KCNH1: variants seen among roughly 807,000 people sequenced by gnomAD.
The protein encoded by KCNH1 is potassium voltage-gated channel subfamily H member 1, also known as voltage-gated delayed rectifier potassium channel KCNH1.
KCNH1 carries 27 observed loss-of-function variants against 69.2 expected under a neutral mutation model. The ratio of observed to expected loss-of-function variants is 0.39; its 90% CI spans 0.29 to 0.54. The LOEUF is 0.54. KCNH1 is among the 20% of genes least tolerant of loss of function. The pLI is 0.68. For missense variants in KCNH1, 798 were observed against 1,261.6 expected, an observed-to-expected ratio of 0.63 and a Z score of 5.57; for synonymous variants, 456 against 487.7, an observed-to-expected ratio of 0.93 and a Z score of 0.86.
intron 5 of KCNH1, among the ~76,000 whole-genome samples, chr1:211,044,828 A>G (rs562091491): frequency 2.6e-5 from 4 of 152,102 alleles, no homozygotes; most frequent in African/African-American, 4.8e-5. Flanking sequence ...CACAACCACC[A>G]TGGAAAACAG....
chr1:210,870,798 T>A (rs1210073578), intron 7 of KCNH1, among the ~76,000 whole-genome samples: 3 of 152,158 alleles, frequency 2.0e-5, no homozygotes, highest in Non-Finnish European at 4.4e-5. Context: ...GCAGTTGCCT[T>A]TTTCTCTATT....
At chr1:210,784,434 T>C (rs1684053057) in intron 9 of KCNH1, among the ~76,000 whole-genome samples, 2 of 152,216 alleles carry the variant, frequency 1.3e-5, no homozygotes, top group South Asian at 2.1e-4. Context: ...TGTTTTCGCA[T>C]GTAAGTAGTG....
At chr1:210,714,496 T>C (rs1335571315) in intron 10 of KCNH1, among the ~76,000 whole-genome samples, 2 of 152,178 alleles carry the variant, frequency 1.3e-5, no homozygotes, top group African/African-American at 4.8e-5. Context: ...TGTCAATGGA[T>C]GGGTTGTGGA....
intron 7 of KCNH1, among the ~76,000 whole-genome samples, chr1:210,898,086 C>T (rs1416574116): frequency 6.6e-6 from 1 of 152,172 alleles, no homozygotes; most frequent in Non-Finnish European, 1.5e-5. Flanking sequence ...CTGTGGATTG[C>T]ATTATATTGA....
chr1:211,130,430 A>G (rs1691856505), intron 1 of KCNH1, among the ~76,000 whole-genome samples: 1 of 152,192 alleles, frequency 6.6e-6, no homozygotes, highest in Admixed American at 6.5e-5. Flanking sequence ...GCCGGTCAAC[A>G]CTGTAAAATA....
rs1009339465 is a variant in KCNH1, at chr1:210,979,578, C to A, written c.1032+39205G>T. Among the ~76,000 whole-genome samples, 36 of 152,238 alleles carry A rather than the reference C, an allele frequency of 2.4e-4. 1 individual carries two copies. The highest frequency in any genetic ancestry group is 2.6e-4 in the Admixed American group (4 of 15,288). ...CTTCTTCATATCTGGATATGTTTCT[C>A]ATCTCTGTGAATTTATTATAGATGT... On this transcript the variant is annotated intron_variant, in intron 6 of 10. Transcript: ENST00000271751.
chr1:211,086,878 A>G (rs973787004), intron 4 of KCNH1, among the ~76,000 whole-genome samples: 4 of 152,216 alleles, frequency 2.6e-5, no homozygotes, highest in African/African-American at 9.6e-5. Flanking sequence ...TCCAGCAAAG[A>G]ACAGTGGACA....
At position 210,797,227 on chromosome 1, in the gene KCNH1, G is replaced by C. The variant is rs903791063; in HGVS notation, c.1915+281C>G. Among the ~76,000 whole-genome samples the C allele has an allele frequency of 3.3e-5, 5 of 152,136 alleles. No homozygotes were observed. The East Asian group carries it at 9.6e-4, about 29-fold the overall frequency. On this transcript the variant is annotated intron_variant, in intron 9 of 10. Transcript: ENST00000271751. ...TACTGGGTTAGATGTGCCTCCCACT[G>C]TACTGCAAATGTCTGCTTATTTGTT...
At chr1:211,069,506 A>G (rs1690596639) in intron 5 of KCNH1, among the ~76,000 whole-genome samples, 1 of 152,192 alleles carries the variant, frequency 6.6e-6, no homozygotes, top group Non-Finnish European at 1.5e-5. Context: ...AATAGATAAA[A>G]GTGGACAATA....
intron 6 of KCNH1, among the ~76,000 whole-genome samples, chr1:211,002,906 T>C (rs1308790289): frequency 6.6e-6 from 1 of 152,114 alleles, no homozygotes; most frequent in Non-Finnish European, 1.5e-5. Flanking sequence ...GATAAAGTTA[T>C]AAAGAGATAG....
At chr1:210,779,799 ATCC>A (rs1196488308) in intron 9 of KCNH1, among the ~76,000 whole-genome samples, 1 of 152,174 alleles carries the variant, frequency 6.6e-6, no homozygotes, top group Non-Finnish European at 1.5e-5. Context: ...GTAATAATTA[ATCC>A]TCCTCCTCTT....
chr1:210,774,719 T>C (rs1683828191), intron 10 of KCNH1, among the ~76,000 whole-genome samples: 1 of 152,126 alleles, frequency 6.6e-6, no homozygotes, highest in Non-Finnish European at 1.5e-5. Flanking sequence ...CTCACAGAGA[T>C]AGATGGAGGA....
chr1:210,818,088 T>C (rs900059996), intron 7 of KCNH1, among the ~76,000 whole-genome samples: 1 of 152,068 alleles, frequency 6.6e-6, no homozygotes, highest in African/African-American at 2.4e-5. Context: ...AACAAACTTG[T>C]CAAATGAGGA....
In KCNH1 at chr1:210,797,358, G is replaced by A. The variant is rs189651432; in HGVS notation, c.1915+150C>T. ...CTGGCTTTGTGCCAAACAGGCTCTC[G>A]CCGTTTGATTGTTGGATAGATAAGT... On this transcript the variant is annotated intron_variant, in intron 9 of 10. Transcript: ENST00000271751. 1.1e-3 allele frequency: 967 copies of A among 862,198 alleles called. 4 individuals are homozygous for A. The African/African-American group carries it at 0.014, about 12-fold the overall frequency. The allele number at this position is 862,198 out of a possible 1,614,324, so 53.4% of individuals were successfully genotyped here. A position where few individuals can be genotyped will look rare whatever the true frequency, so the allele number is the denominator to read the frequency against.
chr1:210,817,352 A>ATGAATAAATGAAT (rs1216520665), intron 7 of KCNH1, among the ~76,000 whole-genome samples: 1 of 152,224 alleles, frequency 6.6e-6, no homozygotes, highest in African/African-American at 2.4e-5. Context: ...TGTTTAATCA[A>ATGAATAAATGAAT]TGAATAAATG....
At chr1:210,828,524 G>C (rs7553542) in intron 7 of KCNH1, among the ~76,000 whole-genome samples, 86,478 of 151,888 alleles carry the variant, frequency 0.57, 25,321 homozygotes, top group African/African-American at 0.66. Context: ...CATCCCCACC[G>C]CAGCAGATTA....
intron 7 of KCNH1, among the ~76,000 whole-genome samples, chr1:210,814,621 G>C (rs1684775533): frequency 6.6e-6 from 1 of 152,186 alleles, no homozygotes; most frequent in Admixed American, 6.5e-5. Flanking sequence ...CAAGTCATGA[G>C]AGCCTCAGTT....
intron 7 of KCNH1, among the ~76,000 whole-genome samples, chr1:210,851,859 G>A (rs12401745): frequency 0.11 from 16,673 of 152,162 alleles, 1,195 homozygotes; most frequent in Non-Finnish European, 0.16. Flanking sequence ...TCCTTTACGC[G>A]GTTTGTTGTT....
rs773927037 is a variant in KCNH1 at position 210,683,921 on chromosome 1, G to A, written c.2330C>T (p.Ser777Phe). 2 of 1,612,814 alleles carry A rather than the reference G, an allele frequency of 1.2e-6. No homozygotes were observed. The highest frequency in any genetic ancestry group is 2.2e-5 in the South Asian group (2 of 91,048). ...GGCCTTCACGAGGCTGTGGTTGGCG[G>A]AGGCATGCTCTGTAAGGACATTGCC... ...EKGNVLTEHA[S>F]ANHSLVKASV... Residue 777 changes from serine (S) to phenylalanine (F), a missense_variant, in exon 11 of 11, where the codon TCC (serine) becomes TTC (phenylalanine). Transcript: ENST00000271751. The surrounding 1 kb of genome is among the most constrained non-coding windows in gnomAD (Gnocchi z 5.7).
Sources: allele counts gnomAD v4.1 joint callset (sites outside exome capture counted in the v4.1 genomes callset), GRCh38; gene constraint gnomAD v4.1.1; non-coding constraint Gnocchi (gnomAD v3.1); transcripts MANE v1.5; gene names NCBI Gene and HGNC (gene_info 2026-07-23, HGNC 2026-07-21).